Variants in BTBD9 observed in about 807,000 individuals in gnomAD.
BTBD9 encodes the protein BTB/POZ domain-containing protein 9.
BTBD9 carries 49 observed loss-of-function variants against 64.3 expected under a neutral mutation model. That is an observed-to-expected ratio of 0.76 (90% CI 0.61 to 0.97). The LOEUF (loss-of-function observed/expected upper bound fraction) is 0.97, where lower values mean the gene tolerates loss of function less well. BTBD9 is among the 50% of genes least tolerant of loss of function. The probability of loss-of-function intolerance (pLI) is 0.00; values close to 1 mark genes in which losing one functional copy is unlikely to be tolerated. For missense variants in BTBD9, 598 were observed against 762.1 expected (o/e 0.78, Z 2.53); for synonymous variants, 260 against 274.7 (o/e 0.95, Z 0.53).
At chr6:38,590,378 T>G (rs11966915) in intron 4 of BTBD9, among the ~76,000 whole-genome samples, 2,418 of 152,268 alleles carry the variant, frequency 0.016, 63 homozygotes, top group African/African-American at 0.054. Flanking sequence ...CTTAAATAAT[T>G]TAATACCAGA....
At chr6:38,411,062 C>T (rs965009173) in intron 6 of BTBD9, among the ~76,000 whole-genome samples, 4 of 151,964 alleles carry the variant, frequency 2.6e-5, no homozygotes, top group Admixed American at 6.6e-5. Flanking sequence ...AACTGAGGGG[C>T]AACATGCATA....
intron 8 of BTBD9, among the ~76,000 whole-genome samples, chr6:38,265,938 T>C (rs968405543): frequency 6.6e-6 from 1 of 152,232 alleles, no homozygotes; most frequent in Non-Finnish European, 1.5e-5. Flanking sequence ...ACCAAATACA[T>C]GGCTGCAGCT....
chr6:38,610,891 T>A (rs1317390850), intron 1 of BTBD9, among the ~76,000 whole-genome samples: 1 of 149,200 alleles, frequency 6.7e-6, no homozygotes, highest in Non-Finnish European at 1.5e-5. Context: ...AATTACAGCA[T>A]TGCTTGTAAC....
intron 9 of BTBD9, among the ~76,000 whole-genome samples, chr6:38,236,805 T>A (rs16890465): frequency 0.046 from 6,974 of 152,228 alleles, 239 homozygotes; most frequent in Admixed American, 0.11. Context: ...CAGTTCCGCA[T>A]GCAGAATAAA....
intron 6 of BTBD9, among the ~76,000 whole-genome samples, chr6:38,354,631 A>G (rs576828521): frequency 9.4e-4 from 143 of 152,262 alleles, no homozygotes; most frequent in Middle Eastern, 3.4e-3. Context: ...CCTATGCCAC[A>G]TACTATCCCT....
chr6:38,257,074 T>TTTTTTTC (rs1436076916), intron 8 of BTBD9, among the ~76,000 whole-genome samples: 6 of 150,116 alleles, frequency 4.0e-5, no homozygotes, highest in African/African-American at 1.5e-4. Flanking sequence ...TTTTTTTTTT[T>TTTTTTTC]TTTTTTTTTG....
intron 10 of BTBD9, among the ~76,000 whole-genome samples, chr6:38,175,642 C>CATCTGT (rs1561831747): frequency 2.0e-5 from 3 of 151,902 alleles, no homozygotes; most frequent in African/African-American, 4.8e-5. Context: ...GTGGCATCTG[C>CATCTGT]GTGGGTTGTC....
chr6:38,621,820 G>A (rs149081132), intron 1 of BTBD9, among the ~76,000 whole-genome samples: 5 of 152,192 alleles, frequency 3.3e-5, no homozygotes, highest in Non-Finnish European at 4.4e-5. Context: ...GAAGGAAACC[G>A]TCGGGCAGAT....
intron 6 of BTBD9, among the ~76,000 whole-genome samples, chr6:38,536,742 A>AT (rs1208475087): frequency 1.3e-5 from 2 of 152,184 alleles, no homozygotes; most frequent in Non-Finnish European, 2.9e-5. Flanking sequence ...GTGTGCTCTC[A>AT]TATTTGTGAG....
At chr6:38,362,437 A>G (rs1339182495) in intron 6 of BTBD9, among the ~76,000 whole-genome samples, 5 of 152,248 alleles carry the variant, frequency 3.3e-5, no homozygotes, top group African/African-American at 1.2e-4. Flanking sequence ...GAATGAATCA[A>G]TGTGGGTAAA....
rs557210280 is a variant in BTBD9 at position 38,460,962 on chromosome 6, A to G, written c.1155-115869T>C. ...TTTTTAAAGGCTGGATAACTTAGTAATTAATGAAATATTTTATGTTTGTCA... is the reference window on the plus strand; with the variant it reads ...TTTTTAAAGGCTGGATAACTTAGTAGTTAATGAAATATTTTATGTTTGTCA... On this transcript the variant is annotated intron_variant, in intron 6 of 10. Coordinates refer to ENST00000481247, the MANE Select transcript of BTBD9 (RefSeq NM_001099272.2). 5.3e-5 allele frequency among the ~76,000 whole-genome samples: 8 copies of G among 152,282 alleles called. No individual in the cohort carries two copies. The South Asian group carries it at 1.7e-3, about 32-fold the overall frequency.
intron 6 of BTBD9, among the ~76,000 whole-genome samples, chr6:38,447,369 A>G (rs1427033685): frequency 6.6e-6 from 1 of 152,240 alleles, no homozygotes; most frequent in Non-Finnish European, 1.5e-5. Flanking sequence ...ACCTGACGTA[A>G]CAAGCAACGA....
intron 4 of BTBD9, among the ~76,000 whole-genome samples, chr6:38,583,991 A>G (rs1776402435): frequency 6.6e-6 from 1 of 152,114 alleles, no homozygotes; most frequent in South Asian, 2.1e-4. Context: ...CTTAGTGCCT[A>G]TATCTGTCTA....
chr6:38,565,033 T>TA, intron 6 of BTBD9, among the ~76,000 whole-genome samples: 1 of 152,364 alleles, frequency 6.6e-6, no homozygotes, highest in South Asian at 2.1e-4. Flanking sequence ...TCTGTCTACC[T>TA]ATGTCATTCC....
At chr6:38,183,769 G>A (rs561093482) in intron 10 of BTBD9, among the ~76,000 whole-genome samples, 6 of 152,340 alleles carry the variant, frequency 3.9e-5, no homozygotes, top group African/African-American at 1.4e-4. Flanking sequence ...GGGCATGGCA[G>A]TCACAGCCTT....
At chr6:38,315,771 G>C (rs1046105364) in intron 7 of BTBD9, among the ~76,000 whole-genome samples, 2 of 152,214 alleles carry the variant, frequency 1.3e-5, no homozygotes, top group East Asian at 3.8e-4. Context: ...TTGAGCAGAA[G>C]AATGTGTATT....
intron 6 of BTBD9, among the ~76,000 whole-genome samples, chr6:38,364,831 G>T (rs1765122798): frequency 1.3e-5 from 2 of 152,068 alleles, no homozygotes; most frequent in Non-Finnish European, 2.9e-5. Context: ...CTAGATTGAC[G>T]AACAAGACAA....
chr6:38,615,420 C>G (rs535767255), intron 1 of BTBD9, among the ~76,000 whole-genome samples: 1 of 152,280 alleles, frequency 6.6e-6, no homozygotes. Flanking sequence ...CCAAGATCTA[C>G]AGCTCTGCAA....
At chr6:38,379,887 C>T (rs1424381567) in intron 6 of BTBD9, among the ~76,000 whole-genome samples, 1 of 152,100 alleles carries the variant, frequency 6.6e-6, no homozygotes, top group African/African-American at 2.4e-5. Flanking sequence ...AAACAGTCAT[C>T]TATTGTCATA....
Sources: gnomAD v4.1 joint callset for allele counts (sites outside exome capture counted in the v4.1 genomes callset) on GRCh38, gnomAD v4.1.1 for gene constraint, MANE v1.5 for transcripts, NCBI Gene and HGNC (gene_info 2026-07-23, HGNC 2026-07-21) for gene names.